MED13L: variants seen among roughly 807,000 people sequenced by gnomAD.
The protein encoded by MED13L is mediator of RNA polymerase II transcription subunit 13-like.
Under a neutral mutation model 220.9 loss-of-function variants are expected in MED13L, and 7 were observed. That is an observed-to-expected ratio of 0.03 (90% CI 0.02 to 0.06). The LOEUF (loss-of-function observed/expected upper bound fraction) is 0.06. MED13L is among the 10% of genes least tolerant of loss of function. MED13L has a pLI of 1.00. For missense variants in MED13L, 1,965 were observed against 2,760.5 expected, an observed-to-expected ratio of 0.71 and a Z score of 6.46; for synonymous variants, 1,011 against 1,015.2, an observed-to-expected ratio of 1.00 and a Z score of 0.08.
At chr12:116,068,158 CA>C (rs1404369472) in intron 4 of MED13L, among the ~76,000 whole-genome samples, 2 of 152,116 alleles carry the variant, frequency 1.3e-5, no homozygotes, top group Non-Finnish European at 2.9e-5. Flanking sequence ...CTTCAGGGTA[CA>C]GGGGTTCTTC....
intron 2 of MED13L, among the ~76,000 whole-genome samples, chr12:116,175,874 G>A (rs569518679): frequency 6.6e-6 from 1 of 152,294 alleles, no homozygotes; most frequent in South Asian, 2.1e-4. Flanking sequence ...ATTAATAAAT[G>A]CAGATGATTA....
rs774845452 is a variant in MED13L, at chr12:115,966,043, C to T, written c.6387+39G>A. The stretch of plus-strand genomic sequence containing the variant: ...CAAAATTAAATTTAAGCGTAAATCA[C>T]TCATTCCTTGCAAACTTCTAATATG... On this transcript the variant is annotated intron_variant, in intron 29 of 30. Transcript: ENST00000281928. 7 of 1,606,960 alleles carry T rather than the reference C, an allele frequency of 4.4e-6. 1 individual carries two copies. The South Asian group carries it at 7.7e-5, about 18-fold the overall frequency.
At chr12:116,112,088 T>G (rs1259955728) in intron 2 of MED13L, among the ~76,000 whole-genome samples, 1 of 152,184 alleles carries the variant, frequency 6.6e-6, no homozygotes, top group Non-Finnish European at 1.5e-5. Flanking sequence ...TTTGACATTT[T>G]GGGAAGTATC....
rs1186198189 is a variant in MED13L at position 116,146,949 on chromosome 12, C to CA, written c.311-35438dup. ...TCATCATGAAGAGTTTAAGTATACACAAAAAACTACCAAATATTTATCTAG... is the reference window on the plus strand; with the variant it reads ...TCATCATGAAGAGTTTAAGTATACACAAAAAAACTACCAAATATTTATCTAG... On this transcript the variant is annotated intron_variant, in intron 2 of 30. Transcript: ENST00000281928. 7.9e-5 allele frequency among the ~76,000 whole-genome samples: 12 copies of CA among 151,800 alleles called. No homozygotes were observed. The East Asian group carries it at 1.5e-3, about 20-fold the overall frequency.
chr12:116,216,160 G>A (rs1374892546), intron 2 of MED13L, among the ~76,000 whole-genome samples: 5 of 151,910 alleles, frequency 3.3e-5, no homozygotes, highest in African/African-American at 4.8e-5. Context: ...TGAAACCCAC[G>A]TCCTAATTTA....
intron 4 of MED13L, among the ~76,000 whole-genome samples, chr12:116,072,920 T>C (rs997889556): frequency 6.6e-6 from 1 of 152,178 alleles, no homozygotes; most frequent in Non-Finnish European, 1.5e-5. Flanking sequence ...TGTTAAAAAA[T>C]AGCATTGATT....
intron 8 of MED13L, 64 bp from the exon 9 acceptor site, chr12:116,012,965 G>T: frequency 1.7e-6 from 2 of 1,178,230 alleles, no homozygotes; most frequent in South Asian, 1.2e-5. Flanking sequence ...GGAGAAAAAT[G>T]TTCAAGAGTT....
intron 2 of MED13L, among the ~76,000 whole-genome samples, chr12:116,206,105 G>A (rs1380260071): frequency 7.9e-6 from 1 of 126,428 alleles, no homozygotes; most frequent in East Asian, 2.3e-4. Context: ...TTTTGAGATG[G>A]AGTCCCACTC....
chr12:116,220,915 T>C (rs191744893), intron 2 of MED13L, among the ~76,000 whole-genome samples: 1 of 152,298 alleles, frequency 6.6e-6, no homozygotes, highest in East Asian at 1.9e-4. Flanking sequence ...CTACTGAATA[T>C]ACTACTGAAC....
At chr12:116,095,552 A>C (rs999988692) in intron 4 of MED13L, among the ~76,000 whole-genome samples, 3 of 152,238 alleles carry the variant, frequency 2.0e-5, no homozygotes, top group African/African-American at 7.2e-5. Flanking sequence ...TTAAGCAAGC[A>C]AAGGTTCCTA....
chr12:116,250,987 G>A (rs1175581576), intron 1 of MED13L, among the ~76,000 whole-genome samples: 1 of 151,548 alleles, frequency 6.6e-6, no homozygotes, highest in Non-Finnish European at 1.5e-5. Flanking sequence ...ATTATTTGAA[G>A]GTAAGCTGTG....
At chr12:116,082,702 A>G (rs1196409564) in intron 4 of MED13L, 1 of 152,094 alleles carries the variant, frequency 6.6e-6, no homozygotes, top group Non-Finnish European at 1.5e-5. Context: ...AAAAAAAAAG[A>G]ACTCCATATT....
At chr12:116,001,406 A>AGGTT (rs1435372578) in intron 14 of MED13L, among the ~76,000 whole-genome samples, 2 of 152,224 alleles carry the variant, frequency 1.3e-5, no homozygotes, top group Non-Finnish European at 2.9e-5. Flanking sequence ...CACGTTGGCC[A>AGGTT]GGTTGGTCTC....
chr12:116,111,538 A>G (rs1160516867), intron 2 of MED13L, 26 bp from the exon 3 acceptor site: 2 of 1,561,110 alleles, frequency 1.3e-6, no homozygotes, highest in Admixed American at 3.5e-5. Context: ...AAAAAGAAAA[A>G]AAAAGAACCA....
At chr12:116,122,801 A>C (rs1875210729) in intron 2 of MED13L, among the ~76,000 whole-genome samples, 1 of 152,170 alleles carries the variant, frequency 6.6e-6, no homozygotes, top group Non-Finnish European at 1.5e-5. Flanking sequence ...GTAGCAGTTG[A>C]GACACGACCC....
At chr12:116,041,427 C>T (rs372896478) in intron 4 of MED13L, among the ~76,000 whole-genome samples, 3 of 152,214 alleles carry the variant, frequency 2.0e-5, no homozygotes, top group East Asian at 1.9e-4. Context: ...TATAGCAGTG[C>T]GAAAATGGAC....
intron 2 of MED13L, among the ~76,000 whole-genome samples, chr12:116,219,495 A>G (rs1655271110): frequency 1.3e-5 from 2 of 152,182 alleles, no homozygotes; most frequent in South Asian, 4.1e-4. Flanking sequence ...ATCTTAAGTA[A>G]TTTTTAAGAT....
chr12:116,006,509 G>A (rs1247343245), intron 11 of MED13L, 98 bp from the exon 12 acceptor site: 9 of 924,298 alleles, frequency 9.7e-6, no homozygotes, highest in East Asian at 2.4e-5. Flanking sequence ...AATGGAACTT[G>A]TTATGAGCAC....
intron 2 of MED13L, among the ~76,000 whole-genome samples, chr12:116,184,935 T>C (rs1880777880): frequency 6.6e-6 from 1 of 152,178 alleles, no homozygotes. Flanking sequence ...AAGGATCCAG[T>C]GTTTGGGTTT....
Sources: allele counts gnomAD v4.1 joint callset (sites outside exome capture counted in the v4.1 genomes callset), GRCh38; gene constraint gnomAD v4.1.1; transcripts MANE v1.5; gene names NCBI Gene and HGNC (gene_info 2026-07-23, HGNC 2026-07-21).